FLNB: variants seen among roughly 807,000 people sequenced by gnomAD.
The protein encoded by FLNB is filamin B.
Under a neutral mutation model 250.6 loss-of-function variants are expected in FLNB, and 111 were observed. That is an observed-to-expected ratio of 0.44 (90% confidence interval 0.38 to 0.52). The LOEUF is 0.52. FLNB is among the 20% of genes least tolerant of loss of function. The pLI, the probability that FLNB is intolerant of heterozygous loss-of-function variation, is 0.00. For synonymous variants in FLNB, 1,302 were observed against 1,372.1 expected, an observed-to-expected ratio of 0.95 and a Z score of 1.13; for missense variants, 2,869 against 3,447.8, an observed-to-expected ratio of 0.83 and a Z score of 4.20.
intron 22 of FLNB, among the ~76,000 whole-genome samples, chr3:58,125,370 T>G (rs554369257): frequency 6.6e-6 from 1 of 152,296 alleles, no homozygotes; most frequent in South Asian, 2.1e-4. Context: ...TGGACTCAAG[T>G]GATCTACCCA....
chr3:58,125,847 T>G, intron 23 of FLNB, 104 bp downstream of exon 23: 1 of 1,126,846 alleles, frequency 8.9e-7, no homozygotes, highest in South Asian at 1.3e-5. Flanking sequence ...TTTTTATTTT[T>G]ATAACATGTA....
chr3:58,123,751 C>A, intron 21 of FLNB, 61 bp downstream of exon 21: 1 of 1,444,172 alleles, frequency 6.9e-7, no homozygotes, highest in Non-Finnish European at 9.4e-7. Context: ...TAAGGGCTAC[C>A]TGAAACTTGG....
intron 4 of FLNB, among the ~76,000 whole-genome samples, chr3:58,085,540 G>A (rs2097216050): frequency 6.6e-6 from 1 of 152,206 alleles, no homozygotes; most frequent in Non-Finnish European, 1.5e-5. Context: ...GTTAGCATTT[G>A]TTGATCCATT....
chr3:58,091,448 C>T (rs575311929), intron 4 of FLNB, among the ~76,000 whole-genome samples: 2 of 152,118 alleles, frequency 1.3e-5, no homozygotes, highest in Non-Finnish European at 2.9e-5. Context: ...AAAACCTTTT[C>T]GGCACATGGT....
chr3:58,015,325 C>T (rs1194030449), intron 1 of FLNB, among the ~76,000 whole-genome samples: 2 of 152,196 alleles, frequency 1.3e-5, no homozygotes, highest in Non-Finnish European at 2.9e-5. Context: ...GACCCAAGTC[C>T]AGGACTTTGT....
At chr3:58,009,666 T>C (rs941033298) in intron 1 of FLNB, among the ~76,000 whole-genome samples, 2 of 152,198 alleles carry the variant, frequency 1.3e-5, no homozygotes, top group East Asian at 1.9e-4. Context: ...ATTTTACAGA[T>C]AAGGGGGTCC....
At chr3:58,055,478 G>C (rs1265672058) in intron 1 of FLNB, among the ~76,000 whole-genome samples, 1 of 152,148 alleles carries the variant, frequency 6.6e-6, no homozygotes, top group Non-Finnish European at 1.5e-5. Context: ...AGATGACTGA[G>C]GTCTTGCCCT....
chr3:58,075,410 A>G (rs1049795224), intron 1 of FLNB, among the ~76,000 whole-genome samples: 3 of 152,162 alleles, frequency 2.0e-5, no homozygotes, highest in African/African-American at 7.2e-5. Context: ...CTTCCCATCA[A>G]AGGGATAGAG....
At chr3:58,023,603 T>C (rs544060952) in intron 1 of FLNB, among the ~76,000 whole-genome samples, 1 of 152,344 alleles carries the variant, frequency 6.6e-6, no homozygotes, top group Non-Finnish European at 1.5e-5. Context: ...AAAAAGTGAC[T>C]GTGGACTGGA....
At chr3:58,116,844 G>C (rs953397296) in intron 18 of FLNB, among the ~76,000 whole-genome samples, 1 of 152,158 alleles carries the variant, frequency 6.6e-6, no homozygotes, top group Non-Finnish European at 1.5e-5. Flanking sequence ...GTGCTGTGCT[G>C]GGAGCCACTA....
rs1193309680 is a variant in FLNB at position 58,130,889 on chromosome 3, G to A, written c.4371G>A (p.Val1457=). 3 of 1,612,112 alleles carry A rather than the reference G, an allele frequency of 1.9e-6. No homozygotes were observed. Among genetic ancestry groups the A allele is most frequent in the Non-Finnish European group, 2.5e-6 (3 of 1,179,526 alleles). The change falls in exon 25 of 46, where the codon GTG becomes GTA. Residue 1457 remains valine, a synonymous_variant. Transcript: ENST00000295956. The part of the protein sequence containing the change: ...SSKAGLAPLE[V]RVLGPRGLVE... The stretch of plus-strand genomic sequence containing the variant: ...AGGCTGGCCTGGCTCCGCTGGAAGT[G>A]AGGGTTCTGGGCCCACGAGGTAAGT...
intron 8 of FLNB, among the ~76,000 whole-genome samples, chr3:58,100,510 C>T (rs1263171802): frequency 6.6e-6 from 1 of 150,420 alleles, no homozygotes; most frequent in Non-Finnish European, 1.5e-5. Context: ...CCACTTCAGC[C>T]TCTTGAGTAG....
At chr3:58,123,050 C>A in intron 20 of FLNB, 43 bp from the exon 21 acceptor site, 1 of 1,544,048 alleles carries the variant, frequency 6.5e-7, no homozygotes, top group Non-Finnish European at 9.0e-7. Context: ...GCTGGCTGAG[C>A]AGCGATCCCA....
At position 58,148,766 on chromosome 3, in the gene FLNB, C is replaced by T; in HGVS notation, c.6005C>T (p.Ala2002Val). ...IMVVQSEIGD[A>V]RRAKVYGRGL... ...GTGGTCCAGTCGGAGATTGGTGACGCCCGCCGAGCCAAAGTCTATGGCCGC... is the reference window on the plus strand; with the variant it reads ...GTGGTCCAGTCGGAGATTGGTGACGTCCGCCGAGCCAAAGTCTATGGCCGC... The change falls in exon 36 of 46, where the codon GCC becomes GTC. Residue 2002 changes from alanine (A) to valine (V), a missense_variant. Ala to Val is a moderately conservative substitution (Grantham distance 64). Coordinates refer to ENST00000295956, the MANE Select transcript of FLNB (RefSeq NM_001457.4). The T allele has an allele frequency of 6.2e-7, 1 of 1,614,092 alleles. No individual in the cohort carries two copies. Among genetic ancestry groups the T allele is most frequent in the Non-Finnish European group, 8.5e-7 (1 of 1,180,018 alleles).
intron 1 of FLNB, among the ~76,000 whole-genome samples, chr3:58,055,589 C>T (rs1052761843): frequency 6.6e-6 from 1 of 152,174 alleles, no homozygotes; most frequent in African/African-American, 2.4e-5. Context: ...AGCCAAACCA[C>T]ATCAGTGGTG....
At chr3:58,018,873 C>T (rs148540527) in intron 1 of FLNB, among the ~76,000 whole-genome samples, 3 of 150,276 alleles carry the variant, frequency 2.0e-5, no homozygotes, top group Non-Finnish European at 4.4e-5. Context: ...ACATGCCTGT[C>T]CTATAATCAC....
At chr3:58,101,827 T>G (rs2097251693) in intron 8 of FLNB, among the ~76,000 whole-genome samples, 1 of 152,232 alleles carries the variant, frequency 6.6e-6, no homozygotes, top group Non-Finnish European at 1.5e-5. Flanking sequence ...AAAAGTCCAG[T>G]CTATCCAATT....
intron 26 of FLNB, among the ~76,000 whole-genome samples, chr3:58,133,437 GAAAAAAAAAAAAA>G (rs55916881): frequency 2.7e-4 from 18 of 67,604 alleles, no homozygotes; most frequent in Admixed American, 8.9e-4. Context: ...GACATCTCTG[GAAAAAAAAAAAAA>G]AAAAAAAAAA....
At chr3:58,083,239 CTTTT>C (rs71091340) in intron 4 of FLNB, among the ~76,000 whole-genome samples, 7 of 136,466 alleles carry the variant, frequency 5.1e-5, no homozygotes, top group Non-Finnish European at 1.1e-4. Context: ...TTTCCCCAAA[CTTTT>C]TTTTTTTTTT....
Sources: gnomAD v4.1 joint callset for allele counts (sites outside exome capture counted in the v4.1 genomes callset) on GRCh38, gnomAD v4.1.1 for gene constraint, MANE v1.5 for transcripts, NCBI Gene and HGNC (gene_info 2026-07-23, HGNC 2026-07-21) for gene names.